TTC34: variants seen among roughly 807,000 people sequenced by gnomAD.
The protein encoded by TTC34 is tetratricopeptide repeat protein 34.
Under a neutral mutation model 40.7 loss-of-function variants are expected in TTC34, and 44 were observed. The observed-to-expected ratio is 1.08, with a 90% CI of 0.85 to 1.39. The LOEUF (loss-of-function observed/expected upper bound fraction) is 1.39. Ranked by LOEUF, TTC34 falls within the 40% of genes most tolerant of loss-of-function variation. The pLI, the probability that TTC34 is intolerant of heterozygous loss-of-function variation, is 0.00. For synonymous variants in TTC34, 422 were observed against 398.6 expected (o/e 1.06, Z -0.70); for missense variants, 884 against 838.0 (o/e 1.05, Z -0.68).
At chr1:2,775,249 G>A (rs1350731297) in intron 6 of TTC34, 2 of 149,298 alleles carry the variant, frequency 1.3e-5, no homozygotes, top group East Asian at 2.0e-4. Context: ...GCATCTGACT[G>A]TATGGAATGA....
chr1:2,762,163 G>C (rs1387983408), intron 6 of TTC34, among the ~76,000 whole-genome samples: 1 of 25,410 alleles, frequency 3.9e-5, no homozygotes, highest in Non-Finnish European at 6.1e-5. Flanking sequence ...CTGGAGCAGC[G>C]CCCACACCCC....
chr1:2,750,691 A>G (rs1641289173), intron 6 of TTC34, among the ~76,000 whole-genome samples: 1 of 80,420 alleles, frequency 1.2e-5, no homozygotes, highest in African/African-American at 4.9e-5. Flanking sequence ...CTGCACCCCC[A>G]AGTGAGCATC....
Position 2,796,373 on chromosome 1 carries a change from G to A in TTC34, c.784+3671C>T, listed in dbSNP as rs771131164. Among the ~76,000 whole-genome samples the A allele has an allele frequency of 7.9e-5, 12 of 152,176 alleles. No individual in the cohort carries two copies. The highest frequency in any genetic ancestry group is 1.2e-4 in the African/African-American group (5 of 41,442). On this transcript the variant is annotated intron_variant, in intron 2 of 8. Transcript: ENST00000401095. The surrounding 1 kb of genome is among the most constrained non-coding windows in gnomAD (Gnocchi z 4.5). ...AAAATTCATTTCTTCTCTTCTCATC[G>A]TAAGCCATGCTTGTGCTGGTGCTGG... is the stretch of plus-strand genomic sequence containing the variant.
At chr1:2,785,024 T>G (rs530449105) in intron 5 of TTC34, among the ~76,000 whole-genome samples, 12 of 78,774 alleles carry the variant, frequency 1.5e-4, no homozygotes, top group African/African-American at 7.2e-4. Context: ...CTGGGCTGCA[T>G]GCCTTCCTGC....
At chr1:2,792,965 A>C (rs1643677396) in intron 2 of TTC34, among the ~76,000 whole-genome samples, 1 of 152,216 alleles carries the variant, frequency 6.6e-6, no homozygotes, top group Non-Finnish European at 1.5e-5. Flanking sequence ...TTACGAATCC[A>C]TGCCTTCAAA....
At chr1:2,773,020 C>T (rs1642521459) in intron 6 of TTC34, among the ~76,000 whole-genome samples, 1 of 151,138 alleles carries the variant, frequency 6.6e-6, no homozygotes, top group Non-Finnish European at 1.5e-5. Context: ...ACCCACACCC[C>T]CAGGCGAGCA....
At chr1:2,684,592 C>CA (rs1181683831) in intron 6 of TTC34, among the ~76,000 whole-genome samples, 2 of 136,504 alleles carry the variant, frequency 1.5e-5, no homozygotes, top group Admixed American at 1.5e-4. Context: ...GAGCAACACC[C>CA]ATACCCCCAG....
chr1:2,774,974 C>T (rs1391029012), intron 6 of TTC34: 9 of 96,706 alleles, frequency 9.3e-5, no homozygotes, highest in African/African-American at 3.2e-4. Context: ...CACCATAAAA[C>T]AGCACCCTGC....
rs1344884780 is a variant in TTC34 at position 2,683,212 on chromosome 1, C to T, written c.2227-37649G>A. On this transcript the variant is annotated intron_variant, in intron 6 of 8. Transcript: ENST00000401095. Reference sequence around the variant, plus strand: ...ACGGCCACAGGCGAGCATCTGAGAGCCTGGGTCGGCACCCACACCCCCAAG... The same window carrying T: ...ACGGCCACAGGCGAGCATCTGAGAGTCTGGGTCGGCACCCACACCCCCAAG... 3.4e-5 allele frequency among the ~76,000 whole-genome samples: 5 copies of T among 147,774 alleles called. 2 individuals carry two copies. Among genetic ancestry groups the T allele is most frequent in the African/African-American group, 1.0e-4 (4 of 39,856 alleles).
chr1:2,785,451 C>A (rs575020470), intron 5 of TTC34, among the ~76,000 whole-genome samples: 1 of 152,264 alleles, frequency 6.6e-6, no homozygotes, highest in Non-Finnish European at 1.5e-5. Flanking sequence ...ATAGGAGGAG[C>A]CTGTCACTAT....
At chr1:2,649,661 T>G (rs947521450) in intron 6 of TTC34, among the ~76,000 whole-genome samples, 1 of 152,220 alleles carries the variant, frequency 6.6e-6, no homozygotes, top group Admixed American at 6.5e-5. Context: ...TGCCTCAGCC[T>G]CCTGAGTAGC....
chr1:2,649,963 T>C lies in TTC34; in HGVS notation c.2227-4400A>G, dbSNP rs1415959209. 1.4e-5 allele frequency among the ~76,000 whole-genome samples: 2 copies of C among 146,898 alleles called. 1 individual carries two copies. Among genetic ancestry groups the C allele is most frequent in the African/African-American group, 5.1e-5 (2 of 39,080 alleles). On this transcript the variant is annotated intron_variant, in intron 6 of 8. Transcript: ENST00000401095. ...AGCATCTGACAGCCTGGAATGGCACTCTGCATCCCCAAGTGAGCTTCTGAC... is the reference window on the plus strand; with the variant it reads ...AGCATCTGACAGCCTGGAATGGCACCCTGCATCCCCAAGTGAGCTTCTGAC...
At chr1:2,754,747 G>A in intron 6 of TTC34, among the ~76,000 whole-genome samples, 2 of 147,490 alleles carry the variant, frequency 1.4e-5, no homozygotes, top group African/African-American at 2.6e-5. Flanking sequence ...ACCCCCAGGT[G>A]CGCATGTGAT....
intron 6 of TTC34, among the ~76,000 whole-genome samples, chr1:2,690,220 CCCAGGTGAGGATCTG>C (rs1640554554): frequency 7.1e-6 from 1 of 140,522 alleles, no homozygotes; most frequent in African/African-American, 2.8e-5. Flanking sequence ...GCACCCACAC[CCCAGGTGAGGATCTG>C]ACAGCCTGGA....
intron 6 of TTC34, among the ~76,000 whole-genome samples, chr1:2,681,983 C>A (rs1211874093): frequency 3.3e-5 from 4 of 120,968 alleles, no homozygotes; most frequent in East Asian, 4.4e-4. Context: ...ACAGCACCCA[C>A]ACCCCCAGGT....
intron 6 of TTC34, among the ~76,000 whole-genome samples, chr1:2,755,951 GT>G (rs1641491029): frequency 1.3e-5 from 1 of 78,722 alleles, no homozygotes; most frequent in Non-Finnish European, 2.2e-5. Context: ...GCACCCCCAG[GT>G]GAGGATCTGA....
chr1:2,692,050 G>A (rs1240832478), intron 6 of TTC34, among the ~76,000 whole-genome samples: 1 of 115,196 alleles, frequency 8.7e-6, no homozygotes, highest in Non-Finnish European at 1.9e-5. Flanking sequence ...TGACAGCCTG[G>A]AACAGCACCC....
chr1:2,677,616 G>C (rs1570792760), intron 6 of TTC34, among the ~76,000 whole-genome samples: 1 of 151,444 alleles, frequency 6.6e-6, no homozygotes, highest in African/African-American at 2.4e-5. Context: ...TGCCCCCCCA[G>C]GTGAGCATCT....
intron 6 of TTC34, among the ~76,000 whole-genome samples, chr1:2,652,396 G>C (rs1194022415): frequency 5.3e-5 from 8 of 151,926 alleles, no homozygotes; most frequent in African/African-American, 1.7e-4. Flanking sequence ...GCCTGGAGCA[G>C]CACGCACACC....
Sources: gnomAD v4.1 joint callset for allele counts (sites outside exome capture counted in the v4.1 genomes callset) on GRCh38, gnomAD v4.1.1 for gene constraint, Gnocchi (gnomAD v3.1) non-coding constraint, MANE v1.5 for transcripts, NCBI Gene and HGNC (gene_info 2026-07-23, HGNC 2026-07-21) for gene names.